The following CLIP4 variants were observed in gnomAD, a reference collection of about 807,000 sequenced individuals.
CLIP4 encodes CAP-Gly domain-containing linker protein 4.
Under a neutral mutation model 73.1 loss-of-function variants are expected in CLIP4, and 47 were observed. The ratio of observed to expected loss-of-function variants is 0.64; its 90% CI spans 0.51 to 0.82. The LOEUF is 0.82. Among genes scored for constraint, CLIP4 ranks in the 40% least tolerant of loss-of-function variants. CLIP4 has a pLI of 0.00. For missense variants in CLIP4, 874 were observed against 852.9 expected, an observed-to-expected ratio of 1.02 and a Z score of -0.31; for synonymous variants, 306 against 295.4, an observed-to-expected ratio of 1.04 and a Z score of -0.37.
intron 15 of CLIP4, among the ~76,000 whole-genome samples, chr2:29,179,606 G>A (rs188540124): frequency 2.0e-5 from 3 of 152,270 alleles, no homozygotes; most frequent in South Asian, 2.1e-4. Flanking sequence ...GGGTGAGATC[G>A]AAAGAGATAA....
At chr2:29,130,214 G>C (rs1367405916) in intron 2 of CLIP4, among the ~76,000 whole-genome samples, 4 of 152,106 alleles carry the variant, frequency 2.6e-5, no homozygotes, top group South Asian at 4.2e-4. Context: ...GGCTTCACAG[G>C]GGTCTTCTTC....
chr2:29,143,700 TA>T lies in CLIP4; in HGVS notation c.649-8del. On this transcript the variant is annotated splice_polypyrimidine_tract_variant and splice_region_variant and intron_variant, in intron 6 of 15. Coordinates refer to ENST00000320081, the MANE Select transcript of CLIP4 (RefSeq NM_024692.6). ...GAGTTGAACATTTTTCTCTTATCTT[TA>T]TTTGTAGAATGACAAAGGACAGATC... 6.3e-7 allele frequency: 1 copy of T among 1,578,988 alleles called. No individual in the cohort carries two copies. Among genetic ancestry groups the T allele is most frequent in the Non-Finnish European group, 8.7e-7 (1 of 1,148,740 alleles).
intron 13 of CLIP4, among the ~76,000 whole-genome samples, chr2:29,166,370 CAT>C (rs766584479): frequency 3.9e-5 from 6 of 151,974 alleles, no homozygotes; most frequent in Non-Finnish European, 5.9e-5. Context: ...AATCTTTGCA[CAT>C]GTTATTTTTT....
intron 2 of CLIP4, among the ~76,000 whole-genome samples, chr2:29,126,929 G>T (rs565884918): frequency 7.2e-5 from 11 of 152,294 alleles, no homozygotes; most frequent in Admixed American, 2.6e-4. Flanking sequence ...CAGTTTATAG[G>T]TGGACAGTGC....
At chr2:29,174,059 G>GA (rs1274492459) in intron 14 of CLIP4, among the ~76,000 whole-genome samples, 1 of 152,042 alleles carries the variant, frequency 6.6e-6, no homozygotes, top group Non-Finnish European at 1.5e-5. Context: ...AAGTAAAGAT[G>GA]AAAATTTGTT....
intron 14 of CLIP4, among the ~76,000 whole-genome samples, chr2:29,173,384 G>T (rs1668136355): frequency 6.6e-6 from 1 of 152,216 alleles, no homozygotes. Context: ...TGCACTGAGA[G>T]TGAGCTGTTG....
rs1663859353 is a variant in CLIP4, at chr2:29,116,561, G to A, written c.-16+896G>A. Among the ~76,000 whole-genome samples, 4 of 152,176 alleles carry A rather than the reference G, an allele frequency of 2.6e-5. No homozygotes were observed. In the South Asian group the frequency reaches 8.3e-4, roughly 31 times the overall value. ...TCTTGTGCACAATTTAAAGTGAGTCGTCTAAACAGCACAGGATCACGTGGT... is the reference window on the plus strand; with the variant it reads ...TCTTGTGCACAATTTAAAGTGAGTCATCTAAACAGCACAGGATCACGTGGT... On this transcript the variant is annotated intron_variant, in intron 1 of 15. Coordinates refer to ENST00000320081, the MANE Select transcript of CLIP4 (RefSeq NM_024692.6).
intron 10 of CLIP4, among the ~76,000 whole-genome samples, chr2:29,156,707 A>G (rs749197288): frequency 2.0e-4 from 30 of 152,218 alleles, no homozygotes; most frequent in Non-Finnish European, 1.9e-4. Context: ...CGGAAATTCC[A>G]TAATATAGAG....
At chr2:29,135,818 C>T in intron 6 of CLIP4, 152 bp downstream of exon 6, 1 of 537,016 alleles carries the variant, frequency 1.9e-6, no homozygotes, top group South Asian at 2.8e-5. Context: ...TGATGATGAT[C>T]TTTATTGTAA....
intron 2 of CLIP4, among the ~76,000 whole-genome samples, chr2:29,123,261 T>C (rs1377876955): frequency 6.6e-6 from 1 of 152,218 alleles, no homozygotes; most frequent in Non-Finnish European, 1.5e-5. Flanking sequence ...GCTGCTTTCT[T>C]GGTACACTGT....
chr2:29,140,186 G>A (rs919654587), intron 6 of CLIP4, among the ~76,000 whole-genome samples: 13 of 151,838 alleles, frequency 8.6e-5, no homozygotes, highest in Admixed American at 4.6e-4. Context: ...CCATTAACTC[G>A]TCGTTTAGCA....
chr2:29,177,040 CT>C (rs748681234), intron 15 of CLIP4, among the ~76,000 whole-genome samples: 8 of 152,204 alleles, frequency 5.3e-5, no homozygotes, highest in Non-Finnish European at 8.8e-5. Flanking sequence ...GTTTCCCTGA[CT>C]TTTTTTTCAT....
At chr2:29,176,573 C>A (rs1668357411) in intron 15 of CLIP4, among the ~76,000 whole-genome samples, 1 of 152,092 alleles carries the variant, frequency 6.6e-6, no homozygotes, top group Non-Finnish European at 1.5e-5. Flanking sequence ...GAAGACATGG[C>A]AGAAAGGGGG....
rs1260201822 is a variant in CLIP4, at chr2:29,178,992, A to C, written c.1797-2580A>C. Among the ~76,000 whole-genome samples the C allele has an allele frequency of 6.6e-5, 10 of 152,268 alleles. No homozygotes were observed. In the East Asian group the frequency reaches 1.5e-3, roughly 24 times the overall value. On this transcript the variant is annotated intron_variant, in intron 15 of 15. Coordinates refer to ENST00000320081, the MANE Select transcript of CLIP4 (RefSeq NM_024692.6). ...GTATTTTTTGTACAGCCAGGGTTTC[A>C]CCATGCTGGCCAGGCTGGTCTGAAA...
rs990537062 is a variant in CLIP4, at chr2:29,148,336, T to G, written c.1021+2969T>G. On this transcript the variant is annotated intron_variant, in intron 8 of 15. Transcript: ENST00000320081. ...CCTTTGGCTTGTTGTGCTGCTTTTA[T>G]TATAGATTAAGTTCTTATCAATGCT... 2.0e-5 allele frequency among the ~76,000 whole-genome samples: 3 copies of G among 152,244 alleles called. No individual in the cohort carries two copies. The South Asian group carries it at 6.2e-4, about 32-fold the overall frequency.
At chr2:29,145,159 T>C in intron 7 of CLIP4, 73 bp from the exon 8 acceptor site, 5 of 1,333,218 alleles carry the variant, frequency 3.8e-6, no homozygotes, top group Non-Finnish European at 5.2e-6. Context: ...CATGGTGAAG[T>C]AAAGTTGCAA....
At chr2:29,158,013 T>C (rs1667039740) in intron 11 of CLIP4, among the ~76,000 whole-genome samples, 1 of 152,222 alleles carries the variant, frequency 6.6e-6, no homozygotes, top group Admixed American at 6.5e-5. Flanking sequence ...ACCAACATTT[T>C]ATTATGGAAA....
At chr2:29,161,882 A>G (rs1667315475) in intron 12 of CLIP4, among the ~76,000 whole-genome samples, 1 of 152,214 alleles carries the variant, frequency 6.6e-6, no homozygotes, top group African/African-American at 2.4e-5. Context: ...CCCATAAGAC[A>G]TGCGGAAACA....
At position 29,160,464 on chromosome 2, in the gene CLIP4, C is replaced by T; in HGVS notation, c.1531C>T (p.Pro511Ser). 4 of 1,613,958 alleles carry T rather than the reference C, an allele frequency of 2.5e-6. No individual in the cohort carries two copies. The highest frequency in any genetic ancestry group is 3.4e-6 in the Non-Finnish European group (4 of 1,179,936). ...IRFFGTTNFA[P>S]GYWYGIELEK... Reference sequence around the variant, plus strand: ...GTTCTTTGGGACAACAAACTTCGCTCCAGGTAACTCATCTGCATATTTTCT... The same window carrying T: ...GTTCTTTGGGACAACAAACTTCGCTTCAGGTAACTCATCTGCATATTTTCT... Residue 511 changes from proline (P) to serine (S), a missense_variant, in exon 12 of 16, where the codon CCA becomes TCA. Physicochemically the swap from Pro to Ser is moderately conservative, Grantham distance 74. Coordinates refer to ENST00000320081, the MANE Select transcript of CLIP4 (RefSeq NM_024692.6).
Sources: allele counts gnomAD v4.1 joint callset (sites outside exome capture counted in the v4.1 genomes callset), GRCh38; gene constraint gnomAD v4.1.1; transcripts MANE v1.5; gene names NCBI Gene and HGNC (gene_info 2026-07-23, HGNC 2026-07-21).